The following CTSB variants were observed in gnomAD, a reference collection of about 807,000 sequenced individuals.
CTSB encodes the protein APP secretase.
CTSB carries 57 observed loss-of-function variants against 44.3 expected under a neutral mutation model. The ratio of observed to expected loss-of-function variants is 1.29; its 90% CI spans 1.04 to 1.60. The LOEUF is 1.60. Among genes scored for constraint, CTSB ranks in the 40% most tolerant of loss-of-function variants. The pLI is 0.00. For missense variants in CTSB, 768 were observed against 443.0 expected, an observed-to-expected ratio of 1.73 and a Z score of -6.59; for synonymous variants, 320 against 168.0, an observed-to-expected ratio of 1.91 and a Z score of -7.00.
At chr8:11,851,848 G>A (rs953382968) in intron 3 of CTSB, among the ~76,000 whole-genome samples, 2 of 151,940 alleles carry the variant, frequency 1.3e-5, no homozygotes, top group Non-Finnish European at 1.5e-5. Flanking sequence ...TTTATTTTTA[G>A]TAGAGACGGG....
chr8:11,868,054 G>C lies in CTSB; in HGVS notation c.-79C>G, dbSNP rs906932369. On this transcript the variant is annotated 5_prime_UTR_variant, in exon 1 of 10. Transcript: ENST00000353047. ...CAGCCTGCGCGCAGCGGAGCGGTTG[G>C]CGTTGCCGGAGCGGTTGCCGGAGCC... 3.9e-5 allele frequency: 6 copies of C among 152,564 alleles called. No individual in the cohort carries two copies. The highest frequency in any genetic ancestry group is 1.2e-4 in the African/African-American group (5 of 41,436). The allele number at this position is 152,564 out of a possible 1,614,324, so 9.5% of individuals were successfully genotyped here.
At position 11,852,596 on chromosome 8, in the gene CTSB, G is replaced by A. The variant is rs1323508837; in HGVS notation, c.212+14C>T. The A allele has an allele frequency of 3.1e-6, 5 of 1,607,730 alleles. No individual in the cohort carries two copies. The South Asian group carries it at 4.4e-5, about 14-fold the overall frequency. ...CCACTCACATTACAGCGGTGCAGAGGAGCAGGCACTCACCTCTGGGGTGGC... is the reference window on the plus strand; with the variant it reads ...CCACTCACATTACAGCGGTGCAGAGAAGCAGGCACTCACCTCTGGGGTGGC... On this transcript the variant is annotated intron_variant, in intron 3 of 9. Coordinates refer to ENST00000353047, the MANE Select transcript of CTSB (RefSeq NM_001908.5).
intron 1 of CTSB, among the ~76,000 whole-genome samples, chr8:11,858,647 CTT>C (rs986263174): frequency 5.9e-5 from 9 of 152,328 alleles, no homozygotes; most frequent in African/African-American, 1.4e-4. Context: ...TGCTTCCACT[CTT>C]GAGGGTCCCG....
rs556235948 is a variant in CTSB at position 11,845,855 on chromosome 8, A to C, written c.794-66T>G. ...TGTCCCACGCCCCACAGCACCCCCC[A>C]CACTCAGCTGGTCATGCTCCGGGAA... is the stretch of plus-strand genomic sequence containing the variant. On this transcript the variant is annotated intron_variant, in intron 8 of 9. Coordinates refer to ENST00000353047, the MANE Select transcript of CTSB (RefSeq NM_001908.5). The C allele has an allele frequency of 7.0e-4, 1,046 of 1,499,300 alleles. 5 individuals are homozygous for C. The African/African-American group carries it at 0.012, about 17-fold the overall frequency. 92.9% of individuals were successfully genotyped at this position (1,499,300 alleles called of 1,614,324 possible).
At chr8:11,849,579 G>GTTTT (rs376850621) in intron 4 of CTSB, 62 of 143,874 alleles carry the variant, frequency 4.3e-4, no homozygotes, top group Non-Finnish European at 6.8e-4. Flanking sequence ...TGTGTGTGTG[G>GTTTT]TTTTTTTTTT....
At chr8:11,854,931 A>C (rs1377187180) in intron 1 of CTSB, 2 of 152,320 alleles carry the variant, frequency 1.3e-5, no homozygotes, top group Non-Finnish European at 2.9e-5. Flanking sequence ...GAGGCCAGAG[A>C]GGAAACAGGA....
At chr8:11,851,740 C>T (rs973375861) in intron 3 of CTSB, among the ~76,000 whole-genome samples, 2 of 152,046 alleles carry the variant, frequency 1.3e-5, no homozygotes, top group Non-Finnish European at 2.9e-5. Flanking sequence ...CATCTCAGCT[C>T]ACCGCAACCT....
chr8:11,858,626 A>C (rs967389243), intron 1 of CTSB, among the ~76,000 whole-genome samples: 1 of 152,186 alleles, frequency 6.6e-6, no homozygotes, highest in African/African-American at 2.4e-5. Context: ...CCAGCATTTA[A>C]CATCCAAAAA....
In CTSB at chr8:11,848,051, A is replaced by G. The variant is rs780138858; in HGVS notation, c.532+16T>C. 23 of 1,594,452 alleles carry G rather than the reference A, an allele frequency of 1.4e-5. No individual in the cohort carries two copies. Among genetic ancestry groups the G allele is most frequent in the Admixed American group, 8.5e-5 (5 of 58,606 alleles). ...CAATCCATCTGGCCAGAAAGTGGCC[A>G]AGGGGACACACTTACCTACATGGGA... On this transcript the variant is annotated intron_variant, in intron 6 of 9. Transcript: ENST00000353047.
rs771271711 is a variant in CTSB, at chr8:11,848,229, G to T, written c.447-77C>A. The T allele has an allele frequency of 1.0e-5, 14 of 1,361,906 alleles. No homozygotes were observed. The East Asian group carries it at 1.1e-4, about 11-fold the overall frequency. 84.4% of individuals were successfully genotyped at this position (1,361,906 alleles called of 1,614,324 possible). On this transcript the variant is annotated intron_variant, in intron 5 of 9. Coordinates refer to ENST00000353047, the MANE Select transcript of CTSB (RefSeq NM_001908.5). The stretch of plus-strand genomic sequence containing the variant: ...CCAGACCACTGTGTGCTACCCAAGT[G>T]CCCGAGGCCACTCGTGGACCCACCC...
chr8:11,863,639 G>T (rs192035448), intron 1 of CTSB, among the ~76,000 whole-genome samples: 2 of 152,244 alleles, frequency 1.3e-5, no homozygotes, highest in African/African-American at 4.8e-5. Flanking sequence ...CATGCTTAGC[G>T]TTCTAATAAT....
intron 8 of CTSB, chr8:11,846,358 G>T (rs1408238267): frequency 6.6e-6 from 1 of 152,376 alleles, no homozygotes; most frequent in African/African-American, 2.4e-5. Context: ...ACTATGCTAA[G>T]AAGTGCCATC....
intron 3 of CTSB, among the ~76,000 whole-genome samples, chr8:11,851,346 C>T (rs988172923): frequency 6.6e-6 from 1 of 151,914 alleles, no homozygotes; most frequent in African/African-American, 2.4e-5. Flanking sequence ...TGCACCACCA[C>T]ACCCGGCTAA....
At chr8:11,851,136 T>TA (rs748911307) in intron 3 of CTSB, among the ~76,000 whole-genome samples, 156 bp from the exon 4 acceptor site, 1 of 130,548 alleles carries the variant, frequency 7.7e-6, no homozygotes, top group Non-Finnish European at 1.6e-5. Flanking sequence ...GGTAATTTCA[T>TA]AAAACAAAAG....
intron 1 of CTSB, among the ~76,000 whole-genome samples, chr8:11,864,689 A>G (rs1468137964): frequency 6.6e-6 from 1 of 152,086 alleles, no homozygotes; most frequent in East Asian, 1.9e-4. Context: ...GGGCACAGTG[A>G]CTCACACCTG....
At position 11,844,938 on chromosome 8, in the gene CTSB, T is replaced by G. The variant is rs1252749057; in HGVS notation, c.*187A>C. ...GCTGGCAGCGGTGGCTCACATGGCC[T>G]GTCTGCACTGTAACCACAGGCTGGG... On this transcript the variant is annotated 3_prime_UTR_variant, in exon 10 of 10. Coordinates refer to ENST00000353047, the MANE Select transcript of CTSB (RefSeq NM_001908.5). The G allele has an allele frequency of 3.3e-6, 2 of 597,442 alleles. No homozygotes were observed. The highest frequency in any genetic ancestry group is 5.6e-5 in the East Asian group (2 of 35,980). 37.0% of individuals were successfully genotyped at this position (597,442 alleles called of 1,614,324 possible). A position where few individuals can be genotyped will look rare whatever the true frequency, so the allele number is the denominator to read the frequency against.
In CTSB at chr8:11,844,965, T is replaced by C; in HGVS notation, c.*160A>G. 1.6e-6 allele frequency: 1 copy of C among 617,142 alleles called. No homozygotes were observed. Among genetic ancestry groups the C allele is most frequent in the South Asian group, 1.9e-5 (1 of 52,878 alleles). The allele number at this position is 617,142 out of a possible 1,614,324, so 38.2% of individuals were successfully genotyped here. On this transcript the variant is annotated 3_prime_UTR_variant, in exon 10 of 10. Transcript: ENST00000353047. ...TCTGCACTGTAACCACAGGCTGGGATGTAGCCAGGACTTGGTCTCCTTGGA... is the reference window on the plus strand; with the variant it reads ...TCTGCACTGTAACCACAGGCTGGGACGTAGCCAGGACTTGGTCTCCTTGGA...
At chr8:11,853,505 C>T (rs760373587) in intron 1 of CTSB, 26 bp from the exon 2 acceptor site, 41 of 1,592,944 alleles carry the variant, frequency 2.6e-5, no homozygotes, top group Middle Eastern at 1.7e-4. Flanking sequence ...GGCATCAGGA[C>T]ACCTCTCTGT....
intron 9 of CTSB, 122 bp downstream of exon 9, chr8:11,845,514 GACTGCCTGGCACTTAGGAGGAGCTC>G: frequency 1.0e-6 from 1 of 964,274 alleles, no homozygotes. Context: ...GGGAACTCCT[GACTGCCTGGCACTTAGGAGGAGCTC>G]ACAGCCTGGC....
Sources: allele counts gnomAD v4.1 joint callset (sites outside exome capture counted in the v4.1 genomes callset), GRCh38; gene constraint gnomAD v4.1.1; transcripts MANE v1.5; gene names NCBI Gene and HGNC (gene_info 2026-07-23, HGNC 2026-07-21).